Variants in TSPAN1 observed in about 807,000 individuals in gnomAD.
TSPAN1 encodes the protein tetraspanin 1.
In TSPAN1, 23 loss-of-function variants were observed where a neutral mutation model predicts 26.9. The observed-to-expected ratio is 0.85, with a 90% CI of 0.62 to 1.21. TSPAN1 has a LOEUF of 1.21. Among genes scored for constraint, TSPAN1 ranks in the 50% most tolerant of loss-of-function variants. TSPAN1 has a pLI of 0.00. For synonymous variants in TSPAN1, 115 were observed against 114.8 expected (o/e 1.00, Z -0.01); for missense variants, 283 against 298.4 (o/e 0.95, Z 0.38).
intron 1 of TSPAN1, chr1:46,175,744 T>C: frequency 5.0e-6 from 2 of 402,946 alleles, no homozygotes; most frequent in South Asian, 1.3e-4. Context: ...CCATCCTCCA[T>C]TAAGGCTGTC....
intron 3 of TSPAN1, among the ~76,000 whole-genome samples, chr1:46,182,891 G>A (rs903513229): frequency 2.0e-5 from 3 of 152,028 alleles, no homozygotes; most frequent in African/African-American, 4.8e-5. Flanking sequence ...TTACTGCAGC[G>A]TCAACCTCCT....
the TSPAN1 span, chr1:46,195,902 A>G: frequency 1.2e-6 from 2 of 1,614,000 alleles, no homozygotes; most frequent in South Asian, 1.1e-5. Flanking sequence ...CGTGTCAAAC[A>G]CACGTTTTGC....
intron 3 of TSPAN1, 178 bp from the exon 4 acceptor site, chr1:46,184,013 T>A: frequency 1.5e-6 from 1 of 651,082 alleles, no homozygotes; most frequent in Non-Finnish European, 2.7e-6. Flanking sequence ...TAGCTATGCA[T>A]ATCCCAGCTC....
At chr1:46,189,728 G>C, downstream of TSPAN1, 1 of 1,554,404 alleles carries the variant, frequency 6.4e-7, no homozygotes, top group Non-Finnish European at 8.7e-7. Context: ...GGTTGGAAGA[G>C]GTGTTCTAAG....
At chr1:46,184,081 C>A in intron 3 of TSPAN1, 110 bp from the exon 4 acceptor site, 1 of 1,196,396 alleles carries the variant, frequency 8.4e-7, no homozygotes, top group Non-Finnish European at 1.2e-6. Context: ...TTTAGACTCC[C>A]TAGCCAATAA....
the TSPAN1 span, chr1:46,196,020 G>C: frequency 6.2e-7 from 1 of 1,613,968 alleles, no homozygotes; most frequent in Non-Finnish European, 8.5e-7. The surrounding 1 kb of genome is among the most constrained non-coding windows in gnomAD (Gnocchi z 4.4). Flanking sequence ...ACCGTGGCCT[G>C]GTTGAGGACA....
At chr1:46,181,040 G>A (rs1462790032) in intron 2 of TSPAN1, 60 bp from the exon 3 acceptor site, 2 of 1,511,642 alleles carry the variant, frequency 1.3e-6, no homozygotes, top group African/African-American at 2.7e-5. Flanking sequence ...CTGAAGCCAG[G>A]GCCAGCCCAG....
At chr1:46,178,109 C>T (rs1331835203) in intron 1 of TSPAN1, among the ~76,000 whole-genome samples, 3 of 152,154 alleles carry the variant, frequency 2.0e-5, no homozygotes, top group Non-Finnish European at 4.4e-5. Flanking sequence ...GTAATCCCAG[C>T]ACTTTGGGAG....
At chr1:46,177,300 A>C (rs1571633386) in intron 1 of TSPAN1, among the ~76,000 whole-genome samples, 1 of 151,634 alleles carries the variant, frequency 6.6e-6, no homozygotes, top group East Asian at 1.9e-4. Flanking sequence ...GCACCATTGC[A>C]CTCCAGCCTG....
At chr1:46,193,492 CT>C in the TSPAN1 span, 275 of 1,613,022 alleles carry the variant, frequency 1.7e-4, no homozygotes, top group Non-Finnish European at 2.3e-4. Context: ...GGCGGTCTCC[CT>C]TGCCCGTCCC....
downstream of TSPAN1, chr1:46,189,151 G>A: frequency 6.7e-7 from 1 of 1,501,962 alleles, no homozygotes. Context: ...TAAGTCTCAT[G>A]TTAAAAACAA....
intron 1 of TSPAN1, among the ~76,000 whole-genome samples, chr1:46,179,159 T>TA (rs533857551): frequency 0.039 from 5,634 of 146,182 alleles, 335 homozygotes; most frequent in African/African-American, 0.12. Context: ...CTCATCTGTT[T>TA]AAAAAAAAAA....
rs1657378921 is a variant in TSPAN1, at chr1:46,184,390, T to G, written c.257T>G (p.Leu86Arg). The change falls in exon 4 of 9, where the codon CTC becomes CGC. Residue 86 changes from leucine (L) to arginine (R), a missense_variant. By Grantham distance (102) the Leu-to-Arg change is moderately radical. Coordinates refer to ENST00000372003, the MANE Select transcript of TSPAN1 (RefSeq NM_005727.4). ...YGAKTESKCALVTFFFILLLI... is the reference protein window; with the variant it reads ...YGAKTESKCARVTFFFILLLI... ...GCTAAGACTGAGAGCAAGTGTGCCC[T>G]CGTGACGGTGTGTGAAACCCAGCTC... The G allele has an allele frequency of 6.2e-7, 1 of 1,614,078 alleles. No homozygotes were observed. Among genetic ancestry groups the G allele is most frequent in the Middle Eastern group, 1.6e-4 (1 of 6,062 alleles).
chr1:46,185,265 C>A lies in TSPAN1; in HGVS notation c.635C>A (p.Ala212Glu). 6.2e-7 allele frequency: 1 copy of A among 1,614,170 alleles called. No homozygotes were observed. Among genetic ancestry groups the A allele is most frequent in the Non-Finnish European group, 8.5e-7 (1 of 1,180,038 alleles). ...NQLLYDIRTN[A>E]VTVGGVAAGI... ...CTTTTGTATGACATCCGAACTAATGCAGTCACCGTGGGTGGTGTGGCAGCT... is the reference window on the plus strand; with the variant it reads ...CTTTTGTATGACATCCGAACTAATGAAGTCACCGTGGGTGGTGTGGCAGCT... The change falls in exon 8 of 9, where the codon GCA (alanine) becomes GAA (glutamate). Residue 212 changes from alanine to glutamate, a missense_variant. By Grantham distance (107) the Ala-to-Glu change is moderately radical. Coordinates refer to ENST00000372003, the MANE Select transcript of TSPAN1 (RefSeq NM_005727.4).
chr1:46,182,936 C>T (rs1394210972), intron 3 of TSPAN1, among the ~76,000 whole-genome samples: 1 of 152,084 alleles, frequency 6.6e-6, no homozygotes, highest in African/African-American at 2.4e-5. Flanking sequence ...ACTCAGCCTC[C>T]TGAGTATCTA....
intron 1 of TSPAN1, chr1:46,176,213 G>C: frequency 6.5e-7 from 1 of 1,534,558 alleles, no homozygotes; most frequent in South Asian, 1.2e-5. Context: ...CTGGCTCACA[G>C]GCCCCCTGGC....
At chr1:46,196,046 C>T in the TSPAN1 span, 13 of 1,613,866 alleles carry the variant, frequency 8.1e-6, no homozygotes, top group African/African-American at 4.0e-5. This position sits in a 1 kb window ranked among gnomAD's most constrained non-coding sequence, Gnocchi z 4.4. Flanking sequence ...ATGGATGCCC[C>T]GGCCCTGCTC....
At chr1:46,192,998 C>G in the TSPAN1 span, 3 of 1,612,368 alleles carry the variant, frequency 1.9e-6, no homozygotes, top group African/African-American at 2.7e-5. Context: ...AAAGGGGTCT[C>G]TCCATCCTGT....
At chr1:46,192,087 C>T in the TSPAN1 span, 1 of 1,612,846 alleles carries the variant, frequency 6.2e-7, no homozygotes, top group South Asian at 1.1e-5. Context: ...TGCTCCCTGC[C>T]TCCCACTCAC....
Sources: gnomAD v4.1 joint callset for allele counts (sites outside exome capture counted in the v4.1 genomes callset) on GRCh38, gnomAD v4.1.1 for gene constraint, Gnocchi (gnomAD v3.1) non-coding constraint, MANE v1.5 for transcripts, NCBI Gene and HGNC (gene_info 2026-07-23, HGNC 2026-07-21) for gene names.